Variants in VEPH1 observed in about 807,000 individuals in gnomAD.
The protein encoded by VEPH1 is ventricular zone-expressed PH domain-containing protein homolog 1.
Under a neutral mutation model 85.2 loss-of-function variants are expected in VEPH1, and 80 were observed. That is an observed-to-expected ratio of 0.94 (90% CI 0.78 to 1.13). The LOEUF is 1.13. Ranked by LOEUF, VEPH1 falls within the 50% of genes most tolerant of loss-of-function variation. VEPH1 has a pLI of 0.00. For missense variants in VEPH1, 955 were observed against 980.5 expected, an observed-to-expected ratio of 0.97 and a Z score of 0.35; for synonymous variants, 297 against 348.0, an observed-to-expected ratio of 0.85 and a Z score of 1.63.
intron 12 of VEPH1, among the ~76,000 whole-genome samples, chr3:157,276,210 T>G (rs560896644): frequency 6.6e-6 from 1 of 152,330 alleles, no homozygotes; most frequent in South Asian, 2.1e-4. Flanking sequence ...ATGGCTTCCT[T>G]TCTCAGTAAT....
intron 5 of VEPH1, among the ~76,000 whole-genome samples, chr3:157,426,660 T>A (rs1464948424): frequency 6.6e-6 from 1 of 152,188 alleles, no homozygotes; most frequent in African/African-American, 2.4e-5. Flanking sequence ...TTGCTGTCAC[T>A]ATAGGCTGAT....
intron 7 of VEPH1, among the ~76,000 whole-genome samples, chr3:157,365,067 T>C (rs1406361040): frequency 1.3e-5 from 2 of 152,250 alleles, no homozygotes; most frequent in South Asian, 2.1e-4. Flanking sequence ...ATATCTTTTA[T>C]AGTAGAGTTT....
intron 6 of VEPH1, among the ~76,000 whole-genome samples, chr3:157,400,641 T>G (rs1730729224): frequency 6.6e-6 from 1 of 152,174 alleles, no homozygotes; most frequent in South Asian, 2.1e-4. Flanking sequence ...TTTCCCTAAA[T>G]GGCATTCAAT....
At position 157,442,220 on chromosome 3, in the gene VEPH1, T is replaced by C. The variant is rs373664893; in HGVS notation, c.530-13732A>G. ...TTTCTTTGCTCTGCAGAGATTACAG[T>C]GGAAGCTTCTTAAGTCGTAATGTAG... On this transcript the variant is annotated intron_variant, in intron 4 of 13. Coordinates refer to ENST00000362010, the MANE Select transcript of VEPH1 (RefSeq NM_001167912.2). The C allele has an allele frequency of 5.4e-6, 4 of 734,562 alleles. No homozygotes were observed. In the African/African-American group the frequency reaches 7.1e-5, roughly 13 times the overall value. 45.5% of individuals were successfully genotyped at this position (734,562 alleles called of 1,614,324 possible).
At chr3:157,324,177 C>T (rs756503977) in intron 9 of VEPH1, among the ~76,000 whole-genome samples, 1 of 152,072 alleles carries the variant, frequency 6.6e-6, no homozygotes, top group Non-Finnish European at 1.5e-5. Flanking sequence ...TCTCAGCACT[C>T]CCTGAGTAGC....
At chr3:157,437,886 C>A in intron 4 of VEPH1, 2 of 1,519,562 alleles carry the variant, frequency 1.3e-6, no homozygotes, top group African/African-American at 1.4e-5. Context: ...CGGTGCAGGG[C>A]TGGGCTGCCC....
At chr3:157,326,564 A>G (rs71312203) in intron 9 of VEPH1, among the ~76,000 whole-genome samples, 8,754 of 152,212 alleles carry the variant, frequency 0.058, 296 homozygotes, top group South Asian at 0.1. Context: ...CTGTAGTATG[A>G]AGAGGGTGAC....
intron 4 of VEPH1, among the ~76,000 whole-genome samples, chr3:157,429,265 G>C (rs1732966338): frequency 6.6e-6 from 1 of 152,094 alleles, no homozygotes; most frequent in Admixed American, 6.6e-5. Flanking sequence ...GGTTTCTAGG[G>C]ATTTTTTGAA....
intron 6 of VEPH1, among the ~76,000 whole-genome samples, chr3:157,406,894 T>C (rs1731179236): frequency 6.6e-6 from 1 of 151,424 alleles, no homozygotes; most frequent in South Asian, 2.1e-4. Context: ...GACCAGACCC[T>C]AAAGTAAAGT....
At chr3:157,409,974 T>A in intron 6 of VEPH1, 1 of 968,342 alleles carries the variant, frequency 1.0e-6, no homozygotes. Context: ...TATGCTCTGA[T>A]CAGTCAGTAT....
intron 4 of VEPH1, among the ~76,000 whole-genome samples, chr3:157,441,356 A>G (rs7634847): frequency 0.64 from 98,085 of 152,124 alleles, 32,134 homozygotes; most frequent in East Asian, 0.8. Flanking sequence ...TGGTTGGCAT[A>G]AGGATTAAAA....
At chr3:157,479,952 C>G (rs1360502141) in intron 2 of VEPH1, among the ~76,000 whole-genome samples, 2 of 152,292 alleles carry the variant, frequency 1.3e-5, no homozygotes, top group East Asian at 3.9e-4. Context: ...TTATAACCTA[C>G]AGTGAGTTAC....
intron 4 of VEPH1, 73 bp downstream of exon 4, chr3:157,460,108 C>T (rs1488534424): frequency 6.2e-7 from 1 of 1,613,302 alleles, no homozygotes; most frequent in East Asian, 2.2e-5. Flanking sequence ...TTCCCACAAA[C>T]CATAAATGCT....
intron 4 of VEPH1, chr3:157,442,685 G>A: frequency 6.2e-7 from 1 of 1,614,218 alleles, no homozygotes; most frequent in Non-Finnish European, 8.5e-7. Context: ...CATCCTTGTG[G>A]GTAAATGGTG....
intron 7 of VEPH1, among the ~76,000 whole-genome samples, chr3:157,371,362 C>T (rs1193655819): frequency 6.6e-6 from 1 of 152,202 alleles, no homozygotes; most frequent in Non-Finnish European, 1.5e-5. Flanking sequence ...AAGGAAGGGA[C>T]ACTTCTAATT....
chr3:157,495,812 T>C (rs960985307), intron 1 of VEPH1, among the ~76,000 whole-genome samples: 1 of 152,192 alleles, frequency 6.6e-6, no homozygotes, highest in Non-Finnish European at 1.5e-5. Flanking sequence ...ACAACAATCA[T>C]GCCTAACACT....
chr3:157,500,152 C>G (rs1237694588), intron 1 of VEPH1, among the ~76,000 whole-genome samples: 1 of 152,180 alleles, frequency 6.6e-6, no homozygotes, highest in East Asian at 1.9e-4. Context: ...CAGCAACACT[C>G]AGGCAAAAGG....
rs145475378 is a variant in VEPH1, at chr3:157,306,100, C to T, written c.2010+7521G>A. Among the ~76,000 whole-genome samples the T allele has an allele frequency of 3.3e-5, 5 of 152,240 alleles. No homozygotes were observed. The East Asian group carries it at 9.6e-4, about 29-fold the overall frequency. On this transcript the variant is annotated intron_variant, in intron 11 of 13. Transcript: ENST00000362010. ...TTAAAAAACAAAGACAGAAAAGCATCTACAAAAGACACTTTAACAAATACC... is the reference window on the plus strand; with the variant it reads ...TTAAAAAACAAAGACAGAAAAGCATTTACAAAAGACACTTTAACAAATACC...
chr3:157,342,634 C>G (rs996584273), intron 9 of VEPH1, among the ~76,000 whole-genome samples: 1 of 152,178 alleles, frequency 6.6e-6, no homozygotes, highest in Non-Finnish European at 1.5e-5. Context: ...AGAAAGTTAA[C>G]AAGGATATCC....
Sources: gnomAD v4.1 joint callset for allele counts (sites outside exome capture counted in the v4.1 genomes callset) on GRCh38, gnomAD v4.1.1 for gene constraint, MANE v1.5 for transcripts, NCBI Gene and HGNC (gene_info 2026-07-23, HGNC 2026-07-21) for gene names.